The following SCAND1 variants were observed in gnomAD, a reference collection of about 807,000 sequenced individuals.
SCAND1 encodes the protein SCAN domain containing 1.
SCAND1 carries 3 observed loss-of-function variants against 3.4 expected under a neutral mutation model. That is an observed-to-expected ratio of 0.87 (90% CI 0.40 to 2.25). The LOEUF is 2.25. Among genes scored for constraint, SCAND1 ranks in the 30% most tolerant of loss-of-function variants. The pLI is 0.05. For missense variants in SCAND1, 303 were observed against 258.8 expected (o/e 1.17, Z -1.17); for synonymous variants, 152 against 120.5 (o/e 1.26, Z -1.72).
chr20:35,954,541 G>A (rs1215631663), upstream of SCAND1: 2 of 1,508,698 alleles, frequency 1.3e-6, no homozygotes, highest in African/African-American at 2.8e-5. Context: ...GCCGCTTGCG[G>A]GCTCCCGGAA....
rs1257161111 is a variant in SCAND1, at chr20:35,953,828, G to T, written c.457C>A (p.Gln153Lys). 5.7e-6 allele frequency: 9 copies of T among 1,570,140 alleles called. No homozygotes were observed. Among genetic ancestry groups the T allele is most frequent in the Non-Finnish European group, 6.9e-6 (8 of 1,159,844 alleles). ...TKEQIVEMLV[Q>K]EQLLAILPEA... ...GGCAGGATGGCGAGCAGCTGCTCTTGCACCAGCATCTCCACGATCTGCTCC... is the reference window on the plus strand; with the variant it reads ...GGCAGGATGGCGAGCAGCTGCTCTTTCACCAGCATCTCCACGATCTGCTCC... Residue 153 changes from glutamine to lysine, a missense_variant, in exon 2 of 2, where the codon CAA (glutamine) becomes AAA (lysine). Coordinates refer to ENST00000305978, the MANE Select transcript of SCAND1 (RefSeq NM_033630.3).
Position 35,953,654 on chromosome 20 carries a change from C to T in SCAND1, c.*91G>A, listed in dbSNP as rs1266336624. On this transcript the variant is annotated 3_prime_UTR_variant, in exon 2 of 2. Coordinates refer to ENST00000305978, the MANE Select transcript of SCAND1 (RefSeq NM_033630.3). Reference sequence around the variant, plus strand: ...TGCCAAAACTCATTTTTCATTAACACGGGGTGGGGTCCCAGGCTCAGGCCC... The same window carrying T: ...TGCCAAAACTCATTTTTCATTAACATGGGGTGGGGTCCCAGGCTCAGGCCC... The T allele has an allele frequency of 9.2e-6, 7 of 758,586 alleles. No individual in the cohort carries two copies. The South Asian group carries it at 1.1e-4, about 12-fold the overall frequency. 47.0% of individuals were successfully genotyped at this position (758,586 alleles called of 1,614,324 possible). A position where few individuals can be genotyped will look rare whatever the true frequency, so the allele number is the denominator to read the frequency against.
Position 35,954,184 on chromosome 20 carries a change from T to G in SCAND1, c.101A>C (p.Asn34Thr). ...CTCTGGCAGCGAGGAGCCCACACAG[T>G]TACGCTCAGGGGCTGAGCTCGAACC... is the stretch of plus-strand genomic sequence containing the variant. ...GAGSSSAPER[N>T]CVGSSLPEAS... is the part of the protein sequence containing the mutation. The change falls in exon 2 of 2, where the codon AAC becomes ACC. Residue 34 changes from asparagine to threonine, a missense_variant. Physicochemically the swap from Asn to Thr is moderately conservative, Grantham distance 65 (BLOSUM62 0). Transcript: ENST00000305978. The G allele has an allele frequency of 6.2e-7, 1 of 1,610,872 alleles. No homozygotes were observed. Among genetic ancestry groups the G allele is most frequent in the African/African-American group, 1.3e-5 (1 of 74,982 alleles).
rs988641391 is a variant in SCAND1, at chr20:35,953,681, C to G, written c.*64G>C. On this transcript the variant is annotated 3_prime_UTR_variant, in exon 2 of 2. Transcript: ENST00000305978. ...GGGTGGGGTCCCAGGCTCAGGCCCC[C>G]GGGCCCGATCATGGCCCCAGTCCGC... 2.6e-5 allele frequency: 29 copies of G among 1,128,372 alleles called. No homozygotes were observed. Among genetic ancestry groups the G allele is most frequent in the Admixed American group, 1.4e-4 (4 of 27,826 alleles). The allele number at this position is 1,128,372 out of a possible 1,614,324, so 69.9% of individuals were successfully genotyped here.
rs1428290834 is a variant in SCAND1, at chr20:35,954,102, G to A, written c.183C>T (p.Ile61=). 5.2e-6 allele frequency: 8 copies of A among 1,539,952 alleles called. No individual in the cohort carries two copies. Among genetic ancestry groups the A allele is most frequent in the East Asian group, 2.5e-5 (1 of 40,672 alleles). The change falls in exon 2 of 2, where the codon ATC becomes ATT. Residue 61 remains isoleucine (I), a synonymous_variant. Transcript: ENST00000305978. ...CGGAGGCCGCAGCTCGGGGCGTAGG[G>A]ATGGCTTCAGGGACCGCGGCGTTGG... ...SSPNAAVPEA[I]PTPRAAASAA...
chr20:35,953,956 C>T lies in SCAND1; in HGVS notation c.329G>A (p.Arg110His), dbSNP rs1431264262. ...SRLGPETFRQRFRQFRYQDAA... is the reference protein window; with the variant it reads ...SRLGPETFRQHFRQFRYQDAA... ...ATCCTGGTAGCGGAACTGCCGGAAA[C>T]GCTGGCGGAACGTCTCGGGACCGAG... The change falls in exon 2 of 2, where the codon CGT becomes CAT. Residue 110 changes from arginine to histidine, a missense_variant. Physicochemically the swap from Arg to His is conservative, Grantham distance 29. Transcript: ENST00000305978. 2 of 1,574,436 alleles carry T rather than the reference C, an allele frequency of 1.3e-6. No homozygotes were observed. Among genetic ancestry groups the T allele is most frequent in the South Asian group, 1.2e-5 (1 of 86,888 alleles).
upstream of SCAND1, chr20:35,954,692 C>T (rs6087748): frequency 4.4e-6 from 5 of 1,146,458 alleles, no homozygotes; most frequent in African/African-American, 3.2e-5. Flanking sequence ...GAGGAGGAGC[C>T]TGAATGTTTG....
chr20:35,954,397 C>T (rs549558169), intron 1 of SCAND1, 51 bp downstream of exon 1: 1 of 1,560,500 alleles, frequency 6.4e-7, no homozygotes, highest in East Asian at 2.4e-5. Context: ...GAGCTCGCGT[C>T]ACCCTTGAGG....
rs763381072 is a variant in SCAND1 at position 35,954,267 on chromosome 20, C to G, written c.18G>C (p.Pro6=). ...CGGGACTCCCAGTGGCCGCCAAGAT[C>G]GGCTCCGTAGCCGCCATAACTCCAG... MAATE[P]ILAATGSPAA... Residue 6 remains proline, a synonymous_variant, in exon 2 of 2, where the codon CCG becomes CCC. Coordinates refer to ENST00000305978, the MANE Select transcript of SCAND1 (RefSeq NM_033630.3). 1.2e-6 allele frequency: 2 copies of G among 1,612,666 alleles called. No homozygotes were observed. Among genetic ancestry groups the G allele is most frequent in the South Asian group, 1.1e-5 (1 of 91,074 alleles).
rs539694073 is a variant in SCAND1 at position 35,954,307 on chromosome 20, C to CTT, written c.-25_-24dup. On this transcript the variant is annotated 5_prime_UTR_variant, in exon 2 of 2. Transcript: ENST00000305978. ...CATAACTCCAGCTCCGGGCGTCACT[C>CTT]TTTGTCCGGTAGCTGTGTGCTCAGC... 6.2e-7 allele frequency: 1 copy of CTT among 1,613,394 alleles called. No individual in the cohort carries two copies. Among genetic ancestry groups the CTT allele is most frequent in the South Asian group, 1.1e-5 (1 of 90,966 alleles).
At chr20:35,955,303 A>G (rs1386949645), upstream of SCAND1, 1 of 152,276 alleles carries the variant, frequency 6.6e-6, no homozygotes, top group Non-Finnish European at 1.5e-5. Context: ...ACTTTTTAAT[A>G]CTGATTACAT....
chr20:35,957,980 C>T (rs1195876526), upstream of SCAND1, among the ~76,000 whole-genome samples: 1 of 152,182 alleles, frequency 6.6e-6, no homozygotes, highest in East Asian at 1.9e-4. Flanking sequence ...GATTGCAGAC[C>T]ATCCCTGAGA....
At position 35,954,280 on chromosome 20, in the gene SCAND1, G is replaced by C; in HGVS notation, c.5C>G (p.Ala2Gly). The C allele has an allele frequency of 6.2e-7, 1 of 1,613,462 alleles. No homozygotes were observed. The highest frequency in any genetic ancestry group is 8.5e-7 in the Non-Finnish European group (1 of 1,179,910). The change falls in exon 2 of 2, where the codon GCG (alanine) becomes GGG (glycine). Residue 2 changes from alanine to glycine, a missense_variant. Physicochemically the swap from Ala to Gly is moderately conservative, Grantham distance 60. Transcript: ENST00000305978. ...GGCCGCCAAGATCGGCTCCGTAGCCGCCATAACTCCAGCTCCGGGCGTCAC... is the reference window on the plus strand; with the variant it reads ...GGCCGCCAAGATCGGCTCCGTAGCCCCCATAACTCCAGCTCCGGGCGTCAC... Reference protein sequence around the residue: MAATEPILAATG... With the variant: MGATEPILAATG...
upstream of SCAND1, chr20:35,954,702 G>T: frequency 9.3e-7 from 1 of 1,071,006 alleles, no homozygotes; most frequent in Non-Finnish European, 1.2e-6. Context: ...CTGAATGTTT[G>T]GAGATAGACT....
Position 35,953,741 on chromosome 20 carries a change from C to T in SCAND1, c.*4G>A, listed in dbSNP as rs1229889240. 1.4e-6 allele frequency: 2 copies of T among 1,429,420 alleles called. No homozygotes were observed. The highest frequency in any genetic ancestry group is 2.7e-5 in the Admixed American group (1 of 36,806). The allele number at this position is 1,429,420 out of a possible 1,614,324, so 88.5% of individuals were successfully genotyped here. A position where few individuals can be genotyped will look rare whatever the true frequency, so the allele number is the denominator to read the frequency against. ...CCGGCCCTGGCCGCCCGCAGCTCCA[C>T]CGCTCAGCCAGTGATGCGCACATCC... is the stretch of plus-strand genomic sequence containing the variant. On this transcript the variant is annotated 3_prime_UTR_variant, in exon 2 of 2. Coordinates refer to ENST00000305978, the MANE Select transcript of SCAND1 (RefSeq NM_033630.3).
upstream of SCAND1, chr20:35,954,973 G>C: frequency 5.0e-6 from 1 of 202,020 alleles, no homozygotes; most frequent in East Asian, 1.7e-4. Flanking sequence ...GAGGGCGATA[G>C]CACCGGCCTT....
rs1031511081 is a variant in SCAND1, at chr20:35,954,000, T to A, written c.285A>T (p.Pro95=). ...GACCGAGTCTAGAGCCGGCGGGGCC[T>A]GGTGTGGAGCGCGCTTCAGCTTCGG... The part of the protein sequence containing the change: ...PQAEAEARST[P]GPAGSRLGPE... Residue 95 remains proline, a synonymous_variant, in exon 2 of 2, where the codon CCA becomes CCT. Transcript: ENST00000305978. The A allele has an allele frequency of 3.9e-6, 6 of 1,549,004 alleles. No individual in the cohort carries two copies. The Admixed American group carries it at 5.9e-5, about 15-fold the overall frequency.
chr20:35,955,587 T>G (rs1172141572), upstream of SCAND1, among the ~76,000 whole-genome samples: 1 of 152,142 alleles, frequency 6.6e-6, no homozygotes, highest in Non-Finnish European at 1.5e-5. Flanking sequence ...CTTGTTTTTA[T>G]TAGGTAAACT....
upstream of SCAND1, chr20:35,954,554 G>T: frequency 1.3e-5 from 20 of 1,494,232 alleles, no homozygotes; most frequent in Non-Finnish European, 1.8e-5. Flanking sequence ...TCCCGGAAGC[G>T]GCGCCCTCTA....
Sources: allele counts gnomAD v4.1 joint callset (sites outside exome capture counted in the v4.1 genomes callset), GRCh38; gene constraint gnomAD v4.1.1; transcripts MANE v1.5; gene names NCBI Gene and HGNC (gene_info 2026-07-23, HGNC 2026-07-21).